Variants in RANBP2 observed in about 807,000 individuals in gnomAD.
RANBP2 encodes the protein E3 SUMO-protein ligase RanBP2.
In RANBP2, 57 loss-of-function variants were observed where a neutral mutation model predicts 303.6. The ratio of observed to expected loss-of-function variants is 0.19; its 90% confidence interval spans 0.15 to 0.23. RANBP2 has a LOEUF of 0.23. RANBP2 is among the 10% of genes least tolerant of loss of function. The pLI is 1.00. For synonymous variants in RANBP2, 1,167 were observed against 1,301.5 expected, an observed-to-expected ratio of 0.90 and a Z score of 2.23; for missense variants, 3,138 against 3,780.8, an observed-to-expected ratio of 0.83 and a Z score of 4.46.
the RANBP2 span, among the ~76,000 whole-genome samples, chr2:109,540,907 G>A: frequency 1.3e-5 from 2 of 151,812 alleles, no homozygotes; most frequent in African/African-American, 4.8e-5. Context: ...GTTCTAGACT[G>A]TTCTCTTGTA....
the RANBP2 span, among the ~76,000 whole-genome samples, chr2:109,027,673 C>T: frequency 2.7e-5 from 4 of 147,598 alleles, no homozygotes; most frequent in East Asian, 6.3e-4. Flanking sequence ...GCTGCGTAAG[C>T]GTCGTTATGA....
the RANBP2 span, among the ~76,000 whole-genome samples, chr2:109,368,458 A>G: frequency 5.3e-5 from 8 of 152,114 alleles, no homozygotes; most frequent in African/African-American, 1.9e-4. Flanking sequence ...TGATTGGCCA[A>G]TTTTAGTAAC....
the RANBP2 span, among the ~76,000 whole-genome samples, chr2:108,971,031 G>C: frequency 6.6e-5 from 10 of 152,256 alleles, no homozygotes; most frequent in East Asian, 1.9e-3. Flanking sequence ...AGGGGACAGG[G>C]GATGATGCTG....
intron 17 of RANBP2, among the ~76,000 whole-genome samples, chr2:108,756,537 G>A (rs1181003887): frequency 6.6e-6 from 1 of 152,158 alleles, no homozygotes; most frequent in Non-Finnish European, 1.5e-5. Flanking sequence ...TGTGTGGTGG[G>A]GAAGACATTT....
At chr2:109,602,571 A>G in the RANBP2 span, among the ~76,000 whole-genome samples, 1 of 150,898 alleles carries the variant, frequency 6.6e-6, no homozygotes, top group Non-Finnish European at 1.5e-5. Flanking sequence ...GCTACTCGGG[A>G]GGGTGAGGCA....
At chr2:109,390,103 C>T in the RANBP2 span, among the ~76,000 whole-genome samples, 1 of 152,214 alleles carries the variant, frequency 6.6e-6, no homozygotes, top group Non-Finnish European at 1.5e-5. Context: ...ATTTAAGTGT[C>T]TACCGGAGGC....
chr2:108,739,318 G>A (rs1486489819), intron 6 of RANBP2, among the ~76,000 whole-genome samples: 41 of 152,112 alleles, frequency 2.7e-4, no homozygotes, highest in Admixed American at 2.7e-3. Flanking sequence ...CAGAAGAATC[G>A]CTTGAACCTG....
At chr2:109,642,359 G>A in the RANBP2 span, among the ~76,000 whole-genome samples, 3 of 152,106 alleles carry the variant, frequency 2.0e-5, no homozygotes, top group Admixed American at 2.0e-4. Context: ...ACTTACTCTG[G>A]ACTGTAGTGC....
At chr2:108,788,849 C>T, downstream of RANBP2, 2 of 1,613,852 alleles carry the variant, frequency 1.2e-6, no homozygotes, top group Non-Finnish European at 1.7e-6. Context: ...TTGTCGTTGA[C>T]AGGTGATTTG....
the RANBP2 span, among the ~76,000 whole-genome samples, chr2:109,427,077 T>A: frequency 6.6e-6 from 1 of 152,144 alleles, no homozygotes; most frequent in Non-Finnish European, 1.5e-5. Flanking sequence ...CAAGCGATTC[T>A]CTGGCCCTAG....
At chr2:109,436,535 G>A in the RANBP2 span, among the ~76,000 whole-genome samples, 2 of 152,344 alleles carry the variant, frequency 1.3e-5, no homozygotes, top group Non-Finnish European at 2.9e-5. Flanking sequence ...TCAAGGCCTC[G>A]CGGGACATGA....
At chr2:108,891,832 C>T in the RANBP2 span, among the ~76,000 whole-genome samples, 1 of 152,106 alleles carries the variant, frequency 6.6e-6, no homozygotes, top group East Asian at 1.9e-4. Context: ...AAGACAACCT[C>T]TTGGCCTTCA....
At chr2:108,791,286 T>C in the RANBP2 span, among the ~76,000 whole-genome samples, 1 of 152,198 alleles carries the variant, frequency 6.6e-6, no homozygotes, top group African/African-American at 2.4e-5. Context: ...TGCTCCACTT[T>C]CTACTCGTTA....
the RANBP2 span, among the ~76,000 whole-genome samples, chr2:109,284,074 G>T: frequency 6.6e-6 from 1 of 152,092 alleles, no homozygotes; most frequent in Non-Finnish European, 1.5e-5. Flanking sequence ...CCCTTGTCCT[G>T]CCCCCTGGCC....
At chr2:109,086,064 A>T in the RANBP2 span, among the ~76,000 whole-genome samples, 1 of 152,196 alleles carries the variant, frequency 6.6e-6, no homozygotes, top group African/African-American at 2.4e-5. Flanking sequence ...CACAAAGCAT[A>T]ACGTCCTCAA....
At chr2:109,271,549 T>A in the RANBP2 span, among the ~76,000 whole-genome samples, 1 of 152,194 alleles carries the variant, frequency 6.6e-6, no homozygotes, top group Admixed American at 6.5e-5. Flanking sequence ...CCCCTCAAAC[T>A]CAAGATAGTC....
the RANBP2 span, among the ~76,000 whole-genome samples, chr2:109,370,884 T>A: frequency 6.6e-6 from 1 of 152,246 alleles, no homozygotes; most frequent in East Asian, 1.9e-4. Flanking sequence ...TGCCCATGAC[T>A]CTAAATAAAT....
At chr2:109,709,842 C>T in the RANBP2 span, among the ~76,000 whole-genome samples, 1 of 152,292 alleles carries the variant, frequency 6.6e-6, no homozygotes, top group South Asian at 2.1e-4. Flanking sequence ...AATCCCAGCA[C>T]TTTGGGAGGC....
At chr2:109,312,481 G>A in the RANBP2 span, among the ~76,000 whole-genome samples, 1 of 152,122 alleles carries the variant, frequency 6.6e-6, no homozygotes, top group Non-Finnish European at 1.5e-5. Flanking sequence ...CTTTTGGGAA[G>A]TTTTCATCTC....
Sources: gnomAD v4.1 joint callset for allele counts (sites outside exome capture counted in the v4.1 genomes callset) on GRCh38, gnomAD v4.1.1 for gene constraint, MANE v1.5 for transcripts, NCBI Gene and HGNC (gene_info 2026-07-23, HGNC 2026-07-21) for gene names.